Variants in CAMK1D observed in about 807,000 individuals in gnomAD.
CAMK1D encodes calcium/calmodulin dependent protein kinase ID.
Under a neutral mutation model 47.7 loss-of-function variants are expected in CAMK1D, and 9 were observed. That is an observed-to-expected ratio of 0.19 (90% CI 0.11 to 0.33). The LOEUF (loss-of-function observed/expected upper bound fraction) is 0.33. Among genes scored for constraint, CAMK1D ranks in the 10% least tolerant of loss-of-function variants. CAMK1D has a pLI of 1.00. For missense variants in CAMK1D, 291 were observed against 488.7 expected, an observed-to-expected ratio of 0.60 and a Z score of 3.81; for synonymous variants, 184 against 184.9, an observed-to-expected ratio of 0.99 and a Z score of 0.04.
At chr10:12,593,748 C>T (rs1838063936) in intron 2 of CAMK1D, among the ~76,000 whole-genome samples, 1 of 152,148 alleles carries the variant, frequency 6.6e-6, no homozygotes, top group Non-Finnish European at 1.5e-5. Context: ...GGCCTTTATC[C>T]TTCCTCCCCT....
At chr10:12,374,258 CAAAAAAAAA>C (rs56312810) in intron 1 of CAMK1D, among the ~76,000 whole-genome samples, 5 of 91,748 alleles carry the variant, frequency 5.4e-5, no homozygotes, top group Admixed American at 2.6e-4. Flanking sequence ...GACTCTGTCT[CAAAAAAAAA>C]AAAAAAAAAA....
At chr10:12,362,975 C>T (rs1165999359) in intron 1 of CAMK1D, among the ~76,000 whole-genome samples, 1 of 128,258 alleles carries the variant, frequency 7.8e-6, no homozygotes, top group Non-Finnish European at 1.6e-5. Flanking sequence ...GGGTCTCACT[C>T]TGTCATGGAG....
At chr10:12,602,892 C>CTTATTATTA (rs1237530193) in intron 2 of CAMK1D, among the ~76,000 whole-genome samples, 1 of 26,424 alleles carries the variant, frequency 3.8e-5, no homozygotes, top group Non-Finnish European at 1.2e-4. Context: ...TTTCTAACTG[C>CTTATTATTA]TTGTTATTAT....
At chr10:12,671,941 A>C (rs964101720) in intron 3 of CAMK1D, among the ~76,000 whole-genome samples, 1 of 119,002 alleles carries the variant, frequency 8.4e-6, no homozygotes, top group Non-Finnish European at 1.7e-5. Context: ...TTTAAGATGG[A>C]GTCTCAGTCT....
At chr10:12,517,737 A>AT (rs35540884) in intron 1 of CAMK1D, among the ~76,000 whole-genome samples, 12 of 151,496 alleles carry the variant, frequency 7.9e-5, no homozygotes, top group Non-Finnish European at 1.6e-4. Flanking sequence ...GTTGTGGTGT[A>AT]TTTTTTTTTA....
At chr10:12,472,649 G>A (rs938248749) in intron 1 of CAMK1D, among the ~76,000 whole-genome samples, 6 of 152,106 alleles carry the variant, frequency 3.9e-5, no homozygotes, top group Non-Finnish European at 7.4e-5. Context: ...AGCCTCCTGA[G>A]TAGCTGGGAT....
intron 2 of CAMK1D, among the ~76,000 whole-genome samples, chr10:12,561,101 T>C (rs1196933516): frequency 6.6e-6 from 1 of 152,056 alleles, no homozygotes; most frequent in Non-Finnish European, 1.5e-5. Flanking sequence ...TTTTTTTTAA[T>C]AGAGACAGGG....
At chr10:12,726,452 A>G (rs1834640451) in intron 3 of CAMK1D, among the ~76,000 whole-genome samples, 1 of 152,096 alleles carries the variant, frequency 6.6e-6, no homozygotes, top group Non-Finnish European at 1.5e-5. Flanking sequence ...AAAAAATTAA[A>G]AAAAGAAGGG....
intron 1 of CAMK1D, among the ~76,000 whole-genome samples, chr10:12,383,441 T>C (rs1292797027): frequency 6.6e-6 from 1 of 152,188 alleles, no homozygotes; most frequent in African/African-American, 2.4e-5. Context: ...CTCGGGGAAA[T>C]GTCAAATTGA....
chr10:12,367,672 G>A (rs1837876815), intron 1 of CAMK1D, among the ~76,000 whole-genome samples: 1 of 152,058 alleles, frequency 6.6e-6, no homozygotes, highest in Non-Finnish European at 1.5e-5. Context: ...TCCCTGGTGC[G>A]CACAGTTCAC....
chr10:12,612,023 G>T (rs1030717572), intron 2 of CAMK1D, among the ~76,000 whole-genome samples: 2 of 152,192 alleles, frequency 1.3e-5, no homozygotes, highest in African/African-American at 2.4e-5. Context: ...TGCTGGACAC[G>T]GTAGATAAAC....
intron 2 of CAMK1D, among the ~76,000 whole-genome samples, chr10:12,631,120 A>G (rs1233451481): frequency 6.6e-6 from 1 of 152,202 alleles, no homozygotes; most frequent in Non-Finnish European, 1.5e-5. Flanking sequence ...TTGTGTGTAT[A>G]AAATATTGAC....
chr10:12,448,438 C>G (rs1832986690), intron 1 of CAMK1D, among the ~76,000 whole-genome samples: 2 of 151,874 alleles, frequency 1.3e-5, no homozygotes, highest in African/African-American at 2.4e-5. Flanking sequence ...TCAAGTGATC[C>G]TCCTGCCTCA....
At position 12,835,338 on chromosome 10, in the gene CAMK1D, A is replaced by G. The variant is rs1002864236; in HGVS notation, c.*6451A>G. 3.9e-5 allele frequency: 6 copies of G among 152,212 alleles called. No individual in the cohort carries two copies. The highest frequency in any genetic ancestry group is 1.2e-4 in the African/African-American group (5 of 41,446). 9.4% of individuals were successfully genotyped at this position (152,212 alleles called of 1,614,324 possible). A position where few individuals can be genotyped will look rare whatever the true frequency, so the allele number is the denominator to read the frequency against. ...AAAACATGTTTGTCCAAAAGAAGGG[A>G]AACTGTGAATTTATTCCATGCATGT... is the stretch of plus-strand genomic sequence containing the variant. On this transcript the variant is annotated 3_prime_UTR_variant, in exon 11 of 11. Coordinates refer to ENST00000619168, the MANE Select transcript of CAMK1D (RefSeq NM_153498.4).
intron 3 of CAMK1D, among the ~76,000 whole-genome samples, chr10:12,711,934 G>A (rs188855679): frequency 6.6e-6 from 1 of 152,172 alleles, no homozygotes; most frequent in Admixed American, 6.5e-5. Context: ...AAGGTAAAAT[G>A]TTTTTCTCAG....
intron 2 of CAMK1D, among the ~76,000 whole-genome samples, chr10:12,584,327 G>A (rs905514902): frequency 3.3e-5 from 5 of 152,206 alleles, no homozygotes; most frequent in Admixed American, 1.3e-4. Context: ...CGTCTAAGAC[G>A]TAGGCCATAA....
chr10:12,668,709 C>T (rs1313580403), intron 3 of CAMK1D, among the ~76,000 whole-genome samples: 1 of 152,072 alleles, frequency 6.6e-6, no homozygotes, highest in Non-Finnish European at 1.5e-5. Flanking sequence ...AAGTTCAAGT[C>T]GATTTAGAAT....
chr10:12,729,548 G>C (rs1050383220), intron 3 of CAMK1D, among the ~76,000 whole-genome samples: 1 of 152,106 alleles, frequency 6.6e-6, no homozygotes, highest in African/African-American at 2.4e-5. Context: ...TGAGGCGGGA[G>C]GGTCACTTGA....
At chr10:12,825,542 T>C in intron 9 of CAMK1D, 31 bp from the exon 10 acceptor site, 1 of 1,599,776 alleles carries the variant, frequency 6.3e-7, no homozygotes, top group Non-Finnish European at 8.5e-7. Context: ...GCTGAAATAT[T>C]TGTCTGCTTT....
Sources: allele counts gnomAD v4.1 joint callset (sites outside exome capture counted in the v4.1 genomes callset), GRCh38; gene constraint gnomAD v4.1.1; transcripts MANE v1.5; gene names NCBI Gene and HGNC (gene_info 2026-07-23, HGNC 2026-07-21).